The following PDE4D variants were observed in gnomAD, a reference collection of about 807,000 sequenced individuals.
PDE4D encodes the protein phosphodiesterase 4D.
Under a neutral mutation model 87.4 loss-of-function variants are expected in PDE4D, and 24 were observed. That is an observed-to-expected ratio of 0.27 (90% CI 0.20 to 0.39). PDE4D has a LOEUF of 0.39. Ranked by LOEUF, PDE4D falls within the 10% of genes least tolerant of loss-of-function variation. The pLI is 1.00. For synonymous variants in PDE4D, 384 were observed against 383.2 expected, an observed-to-expected ratio of 1.00 and a Z score of -0.02; for missense variants, 714 against 1,041.0, an observed-to-expected ratio of 0.69 and a Z score of 4.32.
intron 2 of PDE4D, among the ~76,000 whole-genome samples, chr5:60,162,408 A>T (rs13176217): frequency 0.042 from 6,426 of 152,010 alleles, 187 homozygotes; most frequent in Middle Eastern, 0.085. Context: ...ATCTCTAAGG[A>T]CCTATTTAAA....
chr5:59,413,154 C>T (rs1291383822), intron 1 of PDE4D, among the ~76,000 whole-genome samples: 2 of 151,994 alleles, frequency 1.3e-5, no homozygotes, highest in African/African-American at 4.8e-5. Context: ...TGCTGAGTGA[C>T]CTAACAAAAA....
intron 1 of PDE4D, among the ~76,000 whole-genome samples, chr5:60,393,466 T>C (rs1762689570): frequency 6.6e-6 from 1 of 152,204 alleles, no homozygotes; most frequent in South Asian, 2.1e-4. Context: ...CTTCAAGTTT[T>C]ATGAAAAAGA....
intron 2 of PDE4D, among the ~76,000 whole-genome samples, chr5:59,203,311 G>GT (rs36121613): frequency 0.18 from 27,574 of 151,278 alleles, 2,674 homozygotes; most frequent in South Asian, 0.23. Context: ...ACCTATAATA[G>GT]TTTTTTTTTA....
At chr5:60,246,682 C>T (rs1488721421) in intron 1 of PDE4D, among the ~76,000 whole-genome samples, 6 of 151,380 alleles carry the variant, frequency 4.0e-5, no homozygotes, top group Non-Finnish European at 7.4e-5. Context: ...CTATCATTTT[C>T]AATATTCATT....
intron 1 of PDE4D, among the ~76,000 whole-genome samples, chr5:59,759,678 G>C (rs144248777): frequency 6.6e-6 from 1 of 152,284 alleles, no homozygotes; most frequent in South Asian, 2.1e-4. Flanking sequence ...GATTTCCACA[G>C]AGGGCAACAG....
chr5:60,058,994 C>T (rs1307209435), intron 2 of PDE4D, among the ~76,000 whole-genome samples: 2 of 150,450 alleles, frequency 1.3e-5, no homozygotes, highest in South Asian at 2.1e-4. Context: ...AAACTAGAAA[C>T]ATCAATGAAA....
At chr5:59,278,613 T>A (rs555151564) in intron 1 of PDE4D, among the ~76,000 whole-genome samples, 54 of 152,256 alleles carry the variant, frequency 3.5e-4, no homozygotes, top group African/African-American at 1.3e-3. Flanking sequence ...ATTCTTTCCA[T>A]ATTAGCATTC....
intron 1 of PDE4D, among the ~76,000 whole-genome samples, chr5:59,219,103 G>A (rs1226113199): frequency 6.7e-6 from 1 of 149,002 alleles, no homozygotes; most frequent in Non-Finnish European, 1.5e-5. Flanking sequence ...TAGATGACGA[G>A]TTAGTGGGTG....
At chr5:59,755,793 C>T (rs1761127974) in intron 1 of PDE4D, among the ~76,000 whole-genome samples, 1 of 151,400 alleles carries the variant, frequency 6.6e-6, no homozygotes, top group South Asian at 2.1e-4. Context: ...CAGAAAGTTG[C>T]TTGCTTCAAA....
chr5:59,612,997 A>T (rs1479867861), intron 1 of PDE4D, among the ~76,000 whole-genome samples: 2 of 152,150 alleles, frequency 1.3e-5, no homozygotes, highest in African/African-American at 4.8e-5. Flanking sequence ...AAGTATTCTG[A>T]GCAAAGAAGT....
chr5:59,979,102 A>G (rs1761644265), intron 3 of PDE4D, among the ~76,000 whole-genome samples: 1 of 152,128 alleles, frequency 6.6e-6, no homozygotes, highest in South Asian at 2.1e-4. Flanking sequence ...TGAACCCACA[A>G]TATCTCCGAG....
At chr5:59,563,752 C>T (rs1820446047) in intron 1 of PDE4D, among the ~76,000 whole-genome samples, 1 of 152,162 alleles carries the variant, frequency 6.6e-6, no homozygotes, top group Non-Finnish European at 1.5e-5. Flanking sequence ...TCTTAGCCAC[C>T]AAGTTTCACC....
chr5:60,153,076 C>A (rs867697031), intron 2 of PDE4D, among the ~76,000 whole-genome samples: 5 of 152,164 alleles, frequency 3.3e-5, no homozygotes, highest in South Asian at 4.1e-4. Flanking sequence ...GGAAACAACA[C>A]AGTGAAAAGG....
At chr5:60,416,296 G>A (rs1194734702) in intron 1 of PDE4D, among the ~76,000 whole-genome samples, 1 of 152,176 alleles carries the variant, frequency 6.6e-6, no homozygotes, top group Non-Finnish European at 1.5e-5. Flanking sequence ...ATAAAAGCAG[G>A]CTGCCTGAGC....
chr5:59,570,015 C>T (rs561521210), intron 1 of PDE4D, among the ~76,000 whole-genome samples: 2 of 152,310 alleles, frequency 1.3e-5, no homozygotes, highest in South Asian at 4.1e-4. Flanking sequence ...ACAAATACTA[C>T]ATTATCTGTG....
intron 2 of PDE4D, among the ~76,000 whole-genome samples, chr5:60,054,301 T>C (rs1186593174): frequency 6.6e-6 from 1 of 152,114 alleles, no homozygotes; most frequent in Non-Finnish European, 1.5e-5. Flanking sequence ...CCATCAACGA[T>C]AGACTGGATT....
At position 59,264,496 on chromosome 5, in the gene PDE4D, T is replaced by C. The variant is rs375705210; in HGVS notation, c.456-48528A>G. Among the ~76,000 whole-genome samples the C allele has an allele frequency of 2.0e-5, 3 of 152,008 alleles. No individual in the cohort carries two copies. The South Asian group carries it at 6.2e-4, about 31-fold the overall frequency. ...TTGTCTGCTAACATCAAATTTGCTT[T>C]TTTGTGTGTGTTTTATATTACCCTA... On this transcript the variant is annotated intron_variant, in intron 1 of 14. Transcript: ENST00000340635.
At chr5:59,089,315 TAATTGGTATC>T (rs1426754772) in intron 5 of PDE4D, among the ~76,000 whole-genome samples, 3 of 152,166 alleles carry the variant, frequency 2.0e-5, no homozygotes, top group Admixed American at 1.3e-4. Flanking sequence ...ATAAGGAAAC[TAATTGGTATC>T]AATTTTAGTT....
At chr5:60,343,968 CT>C (rs11326205) in intron 1 of PDE4D, among the ~76,000 whole-genome samples, 43,382 of 141,410 alleles carry the variant, frequency 0.31, 8,748 homozygotes, top group African/African-American at 0.61. Context: ...GATGACTCAT[CT>C]TTTTTTTTTT....
Sources: allele counts gnomAD v4.1 joint callset (sites outside exome capture counted in the v4.1 genomes callset), GRCh38; gene constraint gnomAD v4.1.1; transcripts MANE v1.5; gene names NCBI Gene and HGNC (gene_info 2026-07-23, HGNC 2026-07-21).